PPP4R1: variants seen among roughly 807,000 people sequenced by gnomAD.
PPP4R1 encodes protein phosphatase 4 regulatory subunit 1, also known as serine/threonine-protein phosphatase 4 regulatory subunit 1.
A neutral mutation model predicts 111.2 loss-of-function variants in PPP4R1; 42 were observed. The observed-to-expected ratio is 0.38, with a 90% CI of 0.29 to 0.49. The LOEUF is 0.49. Among genes scored for constraint, PPP4R1 ranks in the 20% least tolerant of loss-of-function variants. PPP4R1 has a pLI of 0.97. For missense variants in PPP4R1, 1,012 were observed against 1,161.6 expected (o/e 0.87, Z 1.87); for synonymous variants, 409 against 405.5 (o/e 1.01, Z -0.10).
intron 2 of PPP4R1, among the ~76,000 whole-genome samples, chr18:9,598,468 G>A (rs1364624285): frequency 1.3e-5 from 2 of 152,116 alleles, no homozygotes; most frequent in African/African-American, 4.8e-5. Context: ...AATGATAGGA[G>A]ACTTTTCCAT....
At chr18:9,590,005 T>C (rs1258904752) in intron 4 of PPP4R1, 1 of 152,180 alleles carries the variant, frequency 6.6e-6, no homozygotes, top group Non-Finnish European at 1.5e-5. Flanking sequence ...TATTAGGAAG[T>C]GAACACACTG....
At chr18:9,596,880 C>A (rs777198459) in intron 2 of PPP4R1, among the ~76,000 whole-genome samples, 3 of 152,150 alleles carry the variant, frequency 2.0e-5, no homozygotes, top group Non-Finnish European at 4.4e-5. Flanking sequence ...AACTTCTGTA[C>A]TTAAAGAACA....
chr18:9,555,653 A>C (rs775849646), intron 15 of PPP4R1, among the ~76,000 whole-genome samples: 1 of 152,244 alleles, frequency 6.6e-6, no homozygotes, highest in Non-Finnish European at 1.5e-5. Context: ...AACCCCGCTT[A>C]CTCAGAATCA....
Position 9,552,547 on chromosome 18 carries a change from G to T in PPP4R1, c.2291+775C>A, listed in dbSNP as rs781549371. On this transcript the variant is annotated intron_variant, in intron 16 of 19. Coordinates refer to ENST00000400556, the MANE Select transcript of PPP4R1 (RefSeq NM_001042388.3). ...TGTTAGTGAGGAGACAGAGAAACTGGAACTCCCATACATTGCTGATGGGAA... is the reference window on the plus strand; with the variant it reads ...TGTTAGTGAGGAGACAGAGAAACTGTAACTCCCATACATTGCTGATGGGAA... Among the ~76,000 whole-genome samples, 113 of 152,302 alleles carry T rather than the reference G, an allele frequency of 7.4e-4. 2 individuals carry two copies. Among genetic ancestry groups the T allele is most frequent in the Middle Eastern group, 6.8e-3 (2 of 294 alleles).
In PPP4R1 at chr18:9,563,362, T is replaced by TA. The variant is rs1453869537; in HGVS notation, c.1746+15_1746+16insT. 6.3e-7 allele frequency: 1 copy of TA among 1,595,332 alleles called. No individual in the cohort carries two copies. Among genetic ancestry groups the TA allele is most frequent in the East Asian group, 2.2e-5 (1 of 44,654 alleles). On this transcript the variant is annotated intron_variant, in intron 12 of 19. Transcript: ENST00000400556. The stretch of plus-strand genomic sequence containing the variant: ...AAACTACTCTCATTTGGTAAACACT[T>TA]TACTGAGTTTGTTACCTCAACAGCA...
intron 2 of PPP4R1, among the ~76,000 whole-genome samples, chr18:9,598,017 T>A (rs962981846): frequency 2.6e-5 from 4 of 151,998 alleles, no homozygotes; most frequent in Non-Finnish European, 4.4e-5. Flanking sequence ...ATTGATCTTT[T>A]AGAGATGAAA....
At chr18:9,605,566 C>CAAAAAAA (rs34208690) in intron 2 of PPP4R1, among the ~76,000 whole-genome samples, 9 of 67,638 alleles carry the variant, frequency 1.3e-4, no homozygotes, top group South Asian at 5.2e-4. Flanking sequence ...GCAGTCCTGT[C>CAAAAAAA]AAAAAAAAAA....
upstream of PPP4R1, chr18:9,614,668 C>A (rs1303034951): frequency 2.0e-5 from 3 of 146,778 alleles, no homozygotes; most frequent in African/African-American, 7.6e-5. This position sits in a 1 kb window ranked among gnomAD's most constrained non-coding sequence, Gnocchi z 4.1. Flanking sequence ...GGCTCCCGGC[C>A]GCCCGGGCCC....
At chr18:9,607,879 T>A (rs1369308993) in intron 2 of PPP4R1, among the ~76,000 whole-genome samples, 2 of 150,446 alleles carry the variant, frequency 1.3e-5, no homozygotes, top group Non-Finnish European at 3.0e-5. Flanking sequence ...GCCTCCCAGG[T>A]TCAAGTGATT....
At chr18:9,571,531 A>G (rs115069852) in intron 10 of PPP4R1, among the ~76,000 whole-genome samples, 206 of 152,354 alleles carry the variant, frequency 1.4e-3, no homozygotes, top group African/African-American at 4.8e-3. Context: ...AACAGAAAAA[A>G]TGAAGATATA....
chr18:9,598,335 C>G (rs1230082071), intron 2 of PPP4R1, among the ~76,000 whole-genome samples: 1 of 151,922 alleles, frequency 6.6e-6, no homozygotes, highest in Non-Finnish European at 1.5e-5. Context: ...TCAATGAAAC[C>G]CATGAGCAAG....
intron 2 of PPP4R1, among the ~76,000 whole-genome samples, chr18:9,609,662 G>A (rs1167384935): frequency 6.6e-6 from 1 of 152,098 alleles, no homozygotes; most frequent in South Asian, 2.1e-4. Context: ...AAAAGTTAAC[G>A]ACTAAATAAG....
At chr18:9,576,972 A>G in intron 10 of PPP4R1, 92 bp downstream of exon 10, 1 of 1,198,874 alleles carries the variant, frequency 8.3e-7, no homozygotes, top group Non-Finnish European at 1.2e-6. Flanking sequence ...ATCAAAAAAT[A>G]ACATTTGTTG....
At position 9,584,920 on chromosome 18, in the gene PPP4R1, A is replaced by G. The variant is rs191632819; in HGVS notation, c.586-92T>C. 304 of 992,026 alleles carry G rather than the reference A, an allele frequency of 3.1e-4. No homozygotes were observed. In the African/African-American group the frequency reaches 4.5e-3, roughly 15 times the overall value. 61.5% of individuals were successfully genotyped at this position (992,026 alleles called of 1,614,324 possible). On this transcript the variant is annotated intron_variant, in intron 6 of 19. Coordinates refer to ENST00000400556, the MANE Select transcript of PPP4R1 (RefSeq NM_001042388.3). ...ATAAAAGTATATAATTTGAGGAAACATAAAATATGATATGGCATCATTATA... is the reference window on the plus strand; with the variant it reads ...ATAAAAGTATATAATTTGAGGAAACGTAAAATATGATATGGCATCATTATA...
Position 9,614,283 on chromosome 18 carries a change from G to A in PPP4R1, c.8-13C>T. On this transcript the variant is annotated splice_polypyrimidine_tract_variant and intron_variant, in intron 1 of 19. Coordinates refer to ENST00000400556, the MANE Select transcript of PPP4R1 (RefSeq NM_001042388.3). This position sits in a 1 kb window ranked among gnomAD's most constrained non-coding sequence, Gnocchi z 4.1. ...AGCAGCGAGAGGTCTGCGCCGAGGG[G>A]AGAGAAGAAAGGCCCGGTCAGCGCC... 3.1e-6 allele frequency: 4 copies of A among 1,304,558 alleles called. No homozygotes were observed. Among genetic ancestry groups the A allele is most frequent in the Non-Finnish European group, 3.0e-6 (3 of 1,013,700 alleles). 80.8% of individuals were successfully genotyped at this position (1,304,558 alleles called of 1,614,324 possible).
At chr18:9,548,810 G>C (rs1298709886) in intron 19 of PPP4R1, among the ~76,000 whole-genome samples, 2 of 152,094 alleles carry the variant, frequency 1.3e-5, no homozygotes, top group African/African-American at 2.4e-5. Flanking sequence ...CCCAGCTACT[G>C]GGGAGGCTGA....
At chr18:9,601,634 A>T (rs779831180) in intron 2 of PPP4R1, among the ~76,000 whole-genome samples, 1 of 152,176 alleles carries the variant, frequency 6.6e-6, no homozygotes, top group Non-Finnish European at 1.5e-5. Context: ...CTGGAATTAC[A>T]GGCAGGCGCC....
At chr18:9,581,086 C>CATGGGG (rs1244723355) in intron 9 of PPP4R1, among the ~76,000 whole-genome samples, 4 of 152,052 alleles carry the variant, frequency 2.6e-5, no homozygotes, top group Non-Finnish European at 5.9e-5. Context: ...AACAAGCCCC[C>CATGGGG]ATGGGGGAGC....
chr18:9,561,687 T>C (rs1034779687), intron 13 of PPP4R1, among the ~76,000 whole-genome samples: 2 of 152,156 alleles, frequency 1.3e-5, no homozygotes, highest in Non-Finnish European at 2.9e-5. Flanking sequence ...TCTTCAATGA[T>C]AAAAAGAGGC....
Sources: gnomAD v4.1 joint callset for allele counts (sites outside exome capture counted in the v4.1 genomes callset) on GRCh38, gnomAD v4.1.1 for gene constraint, Gnocchi (gnomAD v3.1) non-coding constraint, MANE v1.5 for transcripts, NCBI Gene and HGNC (gene_info 2026-07-23, HGNC 2026-07-21) for gene names.